SNTG1: variants seen among roughly 807,000 people sequenced by gnomAD.
SNTG1 encodes the protein syntrophin gamma 1, also known as gamma-1-syntrophin.
A neutral mutation model predicts 74.7 loss-of-function variants in SNTG1; 39 were observed. The observed-to-expected ratio is 0.52, with a 90% CI of 0.40 to 0.68. The LOEUF (loss-of-function observed/expected upper bound fraction) is 0.68. SNTG1 is among the 30% of genes least tolerant of loss of function. SNTG1 has a pLI of 0.00. For synonymous variants in SNTG1, 254 were observed against 217.1 expected (o/e 1.17, Z -1.49); for missense variants, 685 against 609.5 (o/e 1.12, Z -1.30).
intron 15 of SNTG1, 121 bp downstream of exon 15, chr8:50,658,784 C>A: frequency 2.8e-5 from 18 of 635,670 alleles, no homozygotes; most frequent in Non-Finnish European, 3.2e-5. Flanking sequence ...ACGATAAAGA[C>A]AAATGAAAGA....
chr8:50,632,923 A>G (rs1563672412), intron 13 of SNTG1, among the ~76,000 whole-genome samples: 1 of 152,160 alleles, frequency 6.6e-6, no homozygotes, highest in Non-Finnish European at 1.5e-5. Flanking sequence ...CAGTACCTAT[A>G]AACCTGTGTT....
At chr8:50,254,827 T>C (rs2086802156) in intron 2 of SNTG1, among the ~76,000 whole-genome samples, 1 of 142,384 alleles carries the variant, frequency 7.0e-6, no homozygotes. Flanking sequence ...CACTCCAGCC[T>C]GGGCGACAGA....
intron 15 of SNTG1, among the ~76,000 whole-genome samples, chr8:50,667,178 G>A (rs2095254773): frequency 6.6e-6 from 1 of 151,980 alleles, no homozygotes; most frequent in Admixed American, 6.6e-5. Context: ...CTAAAGGTTT[G>A]GGAGAGACCA....
chr8:50,235,773 GGA>G (rs2085859943), intron 2 of SNTG1, among the ~76,000 whole-genome samples: 2 of 151,804 alleles, frequency 1.3e-5, no homozygotes, highest in Non-Finnish European at 1.5e-5. Context: ...TAAATGCATG[GGA>G]AGACAATGGT....
chr8:50,417,878 A>G (rs1263399015), intron 4 of SNTG1, among the ~76,000 whole-genome samples: 2 of 152,104 alleles, frequency 1.3e-5, no homozygotes, highest in Non-Finnish European at 2.9e-5. Context: ...CCATCTAGTC[A>G]TACACTAAAT....
At chr8:50,290,417 T>C (rs1417881322) in intron 2 of SNTG1, among the ~76,000 whole-genome samples, 1 of 152,182 alleles carries the variant, frequency 6.6e-6, no homozygotes, top group Non-Finnish European at 1.5e-5. Flanking sequence ...GTAGGGTGAA[T>C]AATGCCATTT....
intron 2 of SNTG1, among the ~76,000 whole-genome samples, chr8:50,282,967 G>A (rs1192308581): frequency 6.6e-6 from 1 of 152,054 alleles, no homozygotes; most frequent in Non-Finnish European, 1.5e-5. Flanking sequence ...TATTCACTAA[G>A]AGTTTCTAAA....
intron 1 of SNTG1, among the ~76,000 whole-genome samples, chr8:50,148,398 T>G (rs1209018520): frequency 6.6e-6 from 1 of 152,144 alleles, no homozygotes; most frequent in Non-Finnish European, 1.5e-5. Context: ...GTAACTTTAT[T>G]TTTTATTTGT....
chr8:50,221,651 A>G (rs2085075324), intron 2 of SNTG1, among the ~76,000 whole-genome samples: 1 of 152,110 alleles, frequency 6.6e-6, no homozygotes, highest in South Asian at 2.1e-4. Flanking sequence ...TGTATGCTGT[A>G]TGTGTGACCC....
chr8:50,246,383 A>C (rs1424752943), intron 2 of SNTG1, among the ~76,000 whole-genome samples: 1 of 152,172 alleles, frequency 6.6e-6, no homozygotes, highest in Non-Finnish European at 1.5e-5. Context: ...AGTTTAACAC[A>C]CTTTTGTAAA....
intron 2 of SNTG1, among the ~76,000 whole-genome samples, chr8:50,329,237 G>C (rs947181703): frequency 6.6e-6 from 1 of 152,104 alleles, no homozygotes; most frequent in Admixed American, 6.5e-5. Flanking sequence ...AGTGCAAGCT[G>C]TCATTCTGGG....
Position 50,278,030 on chromosome 8 carries a change from A to G in SNTG1, c.-28+105395A>G, listed in dbSNP as rs565905567. ...TGTACTAAAAATACAAAAATTAGCCATGCTTGGTGGCGTATGCCTGTAATC... is the reference window on the plus strand; with the variant it reads ...TGTACTAAAAATACAAAAATTAGCCGTGCTTGGTGGCGTATGCCTGTAATC... On this transcript the variant is annotated intron_variant, in intron 2 of 18. Coordinates refer to ENST00000642720, the MANE Select transcript of SNTG1 (RefSeq NM_018967.5). Among the ~76,000 whole-genome samples, 19 of 152,092 alleles carry G rather than the reference A, an allele frequency of 1.2e-4. No individual in the cohort carries two copies. The East Asian group carries it at 3.7e-3, about 30-fold the overall frequency.
At chr8:49,991,678 A>C (rs1174323489) in intron 1 of SNTG1, among the ~76,000 whole-genome samples, 1 of 152,214 alleles carries the variant, frequency 6.6e-6, no homozygotes, top group Non-Finnish European at 1.5e-5. Context: ...CTTTGAAAAC[A>C]TTACGCTATT....
chr8:50,453,653 T>TGA (rs1361052317), intron 8 of SNTG1, among the ~76,000 whole-genome samples: 1 of 152,246 alleles, frequency 6.6e-6, no homozygotes, highest in African/African-American at 2.4e-5. Flanking sequence ...TGGGAATGAA[T>TGA]GAGAGTACCA....
intron 1 of SNTG1, among the ~76,000 whole-genome samples, chr8:50,167,335 A>T (rs1012902033): frequency 3.8e-5 from 5 of 133,282 alleles, no homozygotes; most frequent in African/African-American, 1.7e-4. Flanking sequence ...AAATAAAATA[A>T]AAAAAAAAAT....
chr8:50,731,643 A>AT (rs1409720564), intron 17 of SNTG1, among the ~76,000 whole-genome samples: 1 of 152,072 alleles, frequency 6.6e-6, no homozygotes, highest in Non-Finnish European at 1.5e-5. Flanking sequence ...GCCAGCTATA[A>AT]GGCATTTACA....
chr8:49,946,564 C>T (rs1432386594), intron 1 of SNTG1, among the ~76,000 whole-genome samples: 2 of 152,104 alleles, frequency 1.3e-5, no homozygotes, highest in African/African-American at 4.8e-5. Context: ...GAAGTGATTT[C>T]AGAATATTCT....
intron 12 of SNTG1, among the ~76,000 whole-genome samples, chr8:50,558,678 C>A (rs1484452910): frequency 6.6e-6 from 1 of 150,616 alleles, no homozygotes; most frequent in Admixed American, 6.6e-5. Flanking sequence ...GCAATAGATA[C>A]TTTTAATAGA....
At chr8:50,668,162 A>T (rs1294357244) in intron 15 of SNTG1, among the ~76,000 whole-genome samples, 1 of 151,910 alleles carries the variant, frequency 6.6e-6, no homozygotes, top group Non-Finnish European at 1.5e-5. Flanking sequence ...TTAAAAACAT[A>T]ATTTTATTTT....
Sources: allele counts gnomAD v4.1 joint callset (sites outside exome capture counted in the v4.1 genomes callset), GRCh38; gene constraint gnomAD v4.1.1; transcripts MANE v1.5; gene names NCBI Gene and HGNC (gene_info 2026-07-23, HGNC 2026-07-21).